Variants in ALK observed in about 807,000 individuals in gnomAD.
The protein encoded by ALK is ALK tyrosine kinase receptor.
A neutral mutation model predicts 163.1 loss-of-function variants in ALK; 74 were observed. That is an observed-to-expected ratio of 0.45 (90% CI 0.38 to 0.55). The LOEUF (loss-of-function observed/expected upper bound fraction) is 0.55. Among genes scored for constraint, ALK ranks in the 20% least tolerant of loss-of-function variants. The probability of loss-of-function intolerance (pLI) is 0.00; values close to 1 mark genes in which losing one functional copy is unlikely to be tolerated. For missense variants in ALK, 2,063 were observed against 2,105.3 expected (o/e 0.98, Z 0.39); for synonymous variants, 960 against 843.2 (o/e 1.14, Z -2.40).
At chr2:29,665,135 T>C (rs1167087041) in intron 3 of ALK, among the ~76,000 whole-genome samples, 1 of 151,572 alleles carries the variant, frequency 6.6e-6, no homozygotes, top group Non-Finnish European at 1.5e-5. Context: ...CAAGTAGCTG[T>C]GACATTATGC....
intron 8 of ALK, among the ~76,000 whole-genome samples, chr2:29,302,428 G>T (rs543096135): frequency 6.6e-6 from 1 of 152,210 alleles, no homozygotes; most frequent in Non-Finnish European, 1.5e-5. Flanking sequence ...TGAGGCAGGA[G>T]AATTGCTTCA....
chr2:29,194,735 G>A (rs1214670415), intron 28 of ALK, among the ~76,000 whole-genome samples: 3 of 146,654 alleles, frequency 2.0e-5, no homozygotes, highest in African/African-American at 5.1e-5. Flanking sequence ...CCAGGCTGGT[G>A]TCGAACTCCT....
chr2:29,423,013 G>C (rs1463795754), intron 4 of ALK, among the ~76,000 whole-genome samples: 1 of 151,872 alleles, frequency 6.6e-6, no homozygotes, highest in Non-Finnish European at 1.5e-5. Flanking sequence ...CGTGGGTAAG[G>C]ACTGCTCTCC....
intron 3 of ALK, among the ~76,000 whole-genome samples, chr2:29,680,048 G>A (rs994390447): frequency 6.6e-6 from 1 of 151,968 alleles, no homozygotes; most frequent in Non-Finnish European, 1.5e-5. Flanking sequence ...CAAATAAGAA[G>A]TCAGCCATTA....
Position 29,197,739 on chromosome 2 carries a change from A to T in ALK, c.3939-63T>A, listed in dbSNP as rs1358343825. 3 of 1,299,000 alleles carry T rather than the reference A, an allele frequency of 2.3e-6. No individual in the cohort carries two copies. The East Asian group carries it at 6.9e-5, about 30-fold the overall frequency. The allele number at this position is 1,299,000 out of a possible 1,614,324, so 80.5% of individuals were successfully genotyped here. On this transcript the variant is annotated intron_variant, in intron 26 of 28. Coordinates refer to ENST00000389048, the MANE Select transcript of ALK (RefSeq NM_004304.5). ...CACACCCACCCACATTCACACACACACACAGGCACACAGACATACAATTTC... is the reference window on the plus strand; with the variant it reads ...CACACCCACCCACATTCACACACACTCACAGGCACACAGACATACAATTTC...
At chr2:29,690,969 G>A (rs935910229) in intron 3 of ALK, among the ~76,000 whole-genome samples, 3 of 152,132 alleles carry the variant, frequency 2.0e-5, no homozygotes, top group Non-Finnish European at 4.4e-5. Context: ...CCAAGAAACT[G>A]AGACTCTAAA....
At chr2:29,535,695 G>C (rs1461836953) in intron 3 of ALK, among the ~76,000 whole-genome samples, 1 of 152,258 alleles carries the variant, frequency 6.6e-6, no homozygotes, top group African/African-American at 2.4e-5. Context: ...AACTGGAGTA[G>C]CTCTGCTACT....
At chr2:29,347,189 C>T (rs1298806595) in intron 5 of ALK, among the ~76,000 whole-genome samples, 1 of 152,164 alleles carries the variant, frequency 6.6e-6, no homozygotes, top group Admixed American at 6.5e-5. Flanking sequence ...TAGAGAGGAA[C>T]TAGAACCGTG....
In ALK at chr2:29,844,979, T is replaced by G. The variant is rs78620435; in HGVS notation, c.667+75014A>C. On this transcript the variant is annotated intron_variant, in intron 1 of 28. Coordinates refer to ENST00000389048, the MANE Select transcript of ALK (RefSeq NM_004304.5). The stretch of plus-strand genomic sequence containing the variant: ...CTCAACTCTTTGAGAAGCTTATCAC[T>G]GGGGGTTCCGGGGCTGTCGTCTAAG... Among the ~76,000 whole-genome samples, 313 of 152,160 alleles carry G rather than the reference T, an allele frequency of 2.1e-3. 3 individuals carry two copies. The highest frequency in any genetic ancestry group is 7.3e-3 in the African/African-American group (304 of 41,496).
At chr2:29,811,836 T>C (rs1461617441) in intron 1 of ALK, among the ~76,000 whole-genome samples, 1 of 152,158 alleles carries the variant, frequency 6.6e-6, no homozygotes, top group Non-Finnish European at 1.5e-5. Context: ...GAGTAATGCA[T>C]TGGTATCTGT....
intron 3 of ALK, among the ~76,000 whole-genome samples, chr2:29,598,457 C>A (rs1273130892): frequency 6.6e-6 from 1 of 152,150 alleles, no homozygotes; most frequent in African/African-American, 2.4e-5. Flanking sequence ...TAAGGCATGG[C>A]ATGATCCTAA....
chr2:29,709,043 G>T (rs1249682918), intron 2 of ALK, among the ~76,000 whole-genome samples: 2 of 152,158 alleles, frequency 1.3e-5, no homozygotes, highest in Admixed American at 6.5e-5. Context: ...TCCTTTTCCT[G>T]AACATGTTTT....
chr2:29,416,062 G>A (rs995103770), intron 4 of ALK, among the ~76,000 whole-genome samples: 108 of 152,182 alleles, frequency 7.1e-4, no homozygotes, highest in African/African-American at 2.5e-3. Flanking sequence ...GTTTGCAGGC[G>A]ACATACTGTG....
At chr2:29,244,247 G>C (rs1664595648) in intron 12 of ALK, among the ~76,000 whole-genome samples, 1 of 152,236 alleles carries the variant, frequency 6.6e-6, no homozygotes, top group Non-Finnish European at 1.5e-5. Context: ...GTGGGATCCT[G>C]GGCAAGGCCC....
chr2:29,539,854 C>T (rs72794501), intron 3 of ALK, among the ~76,000 whole-genome samples: 1 of 152,082 alleles, frequency 6.6e-6, no homozygotes. Flanking sequence ...TTAGAGCTTA[C>T]AACAACAACT....
At chr2:29,312,307 C>T (rs1666718200) in intron 8 of ALK, among the ~76,000 whole-genome samples, 1 of 151,882 alleles carries the variant, frequency 6.6e-6, no homozygotes, top group South Asian at 2.1e-4. Flanking sequence ...TTTCATATCT[C>T]CTCTCACTCA....
At chr2:29,371,851 C>A (rs1668645234) in intron 5 of ALK, among the ~76,000 whole-genome samples, 1 of 152,192 alleles carries the variant, frequency 6.6e-6, no homozygotes, top group African/African-American at 2.4e-5. Context: ...TGCACCTCCT[C>A]CTCATGTTCC....
intron 1 of ALK, among the ~76,000 whole-genome samples, chr2:29,810,247 C>T (rs182524321): frequency 1.1e-3 from 174 of 152,032 alleles, no homozygotes; most frequent in Middle Eastern, 3.4e-3. Flanking sequence ...CAGGGTGATA[C>T]GCCATCTCTA....
chr2:29,572,003 G>A (rs1462575000), intron 3 of ALK, among the ~76,000 whole-genome samples: 4 of 152,176 alleles, frequency 2.6e-5, no homozygotes, highest in African/African-American at 7.2e-5. Context: ...AATGGGCTGA[G>A]CCTTGCTAGA....
Sources: allele counts gnomAD v4.1 joint callset (sites outside exome capture counted in the v4.1 genomes callset), GRCh38; gene constraint gnomAD v4.1.1; transcripts MANE v1.5; gene names NCBI Gene and HGNC (gene_info 2026-07-23, HGNC 2026-07-21).